The following SEC61G variants were observed in gnomAD, a reference collection of about 807,000 sequenced individuals.
SEC61G encodes the protein protein transport protein Sec61 subunit gamma.
In SEC61G, 4 loss-of-function variants were observed where a neutral mutation model predicts 7.5. That is an observed-to-expected ratio of 0.54 (90% CI 0.26 to 1.22). SEC61G has a LOEUF of 1.22. Among genes scored for constraint, SEC61G ranks in the 50% most tolerant of loss-of-function variants. SEC61G has a pLI of 0.12. For synonymous variants in SEC61G, 24 were observed against 24.4 expected (o/e 0.98, Z 0.05); for missense variants, 53 against 84.6 (o/e 0.63, Z 1.46).
At chr7:54,755,911 T>C (rs777871643) in intron 2 of SEC61G, 30 bp from the exon 3 acceptor site, 15 of 1,388,188 alleles carry the variant, frequency 1.1e-5, no homozygotes, top group Non-Finnish European at 1.0e-6. Flanking sequence ...ATTCACATAT[T>C]TTTTGCACTG....
chr7:54,757,491 T>A lies in SEC61G; in HGVS notation c.94+4A>T, dbSNP rs764200167. On this transcript the variant is annotated splice_donor_region_variant and intron_variant, in intron 2 of 3. Transcript: ENST00000352861. ...AATTTTTTCTCTCATAGTCAAGCAA[T>A]TACCTTTTCTATCAGGTTTAGTGCA... The A allele has an allele frequency of 1.9e-6, 3 of 1,611,370 alleles. No individual in the cohort carries two copies. Among genetic ancestry groups the A allele is most frequent in the African/African-American group, 1.3e-5 (1 of 74,904 alleles).
At chr7:54,754,589 T>G (rs1392017344) in intron 3 of SEC61G, among the ~76,000 whole-genome samples, 4 of 152,208 alleles carry the variant, frequency 2.6e-5, no homozygotes, top group African/African-American at 7.2e-5. Context: ...CCTTAATAAC[T>G]ATGGTAACCT....
At chr7:54,754,235 A>G (rs1296385233) in intron 3 of SEC61G, among the ~76,000 whole-genome samples, 4 of 152,232 alleles carry the variant, frequency 2.6e-5, no homozygotes, top group African/African-American at 9.7e-5. Flanking sequence ...TCTGAAAGGT[A>G]CAACTAAGAA....
rs1370971114 is a variant in SEC61G, at chr7:54,752,504, C to CT, written c.198-85dup. Reference sequence around the variant, plus strand: ...TTATTTGAAATGCAATATGCTATAACTTTAACGGCTCAAGACCAATTATGT... The same window carrying CT: ...TTATTTGAAATGCAATATGCTATAACTTTTAACGGCTCAAGACCAATTATGT... On this transcript the variant is annotated intron_variant, in intron 3 of 3. Coordinates refer to ENST00000352861, the MANE Select transcript of SEC61G (RefSeq NM_014302.4). The CT allele has an allele frequency of 6.1e-6, 5 of 826,192 alleles. No homozygotes were observed. The African/African-American group carries it at 7.1e-5, about 12-fold the overall frequency. The allele number at this position is 826,192 out of a possible 1,614,324, so 51.2% of individuals were successfully genotyped here.
chr7:54,759,130 C>G, intron 1 of SEC61G, 28 bp downstream of exon 1: 1 of 517,604 alleles, frequency 1.9e-6, no homozygotes, highest in South Asian at 1.4e-5. Context: ...CCCCGTTCGC[C>G]CGTACCGACC....
chr7:54,758,945 G>T (rs764370228), intron 1 of SEC61G: 65 of 286,392 alleles, frequency 2.3e-4, no homozygotes, highest in Non-Finnish European at 4.1e-4. Flanking sequence ...CAGCTCGCCG[G>T]GAGTCCGCGG....
chr7:54,753,379 AT>A lies in SEC61G; in HGVS notation c.198-960del, dbSNP rs146354722. Among the ~76,000 whole-genome samples the A allele has an allele frequency of 2.4e-3, 366 of 152,318 alleles. 2 individuals are homozygous for A. Among genetic ancestry groups the A allele is most frequent in the African/African-American group, 8.3e-3 (343 of 41,566 alleles). ...TTAAATGCTTATGCTATTAAATAGT[AT>A]TGCTATAACTAAAAGGCCAGCAAGT... On this transcript the variant is annotated intron_variant, in intron 3 of 3. Transcript: ENST00000352861.
Position 54,752,366 on chromosome 7 carries a change from T to C in SEC61G, c.*45A>G, listed in dbSNP as rs965847284. Reference sequence around the variant, plus strand: ...CTGTGAGTTTCTCACACCCTCACACTTGTTCACCAATCTCTAAGATGAAAA... The same window carrying C: ...CTGTGAGTTTCTCACACCCTCACACCTGTTCACCAATCTCTAAGATGAAAA... On this transcript the variant is annotated 3_prime_UTR_variant, in exon 4 of 4. Coordinates refer to ENST00000352861, the MANE Select transcript of SEC61G (RefSeq NM_014302.4). The C allele has an allele frequency of 2.0e-6, 3 of 1,466,438 alleles. No individual in the cohort carries two copies. Among genetic ancestry groups the C allele is most frequent in the Admixed American group, 2.1e-5 (1 of 47,306 alleles). 90.8% of individuals were successfully genotyped at this position (1,466,438 alleles called of 1,614,324 possible). A position where few individuals can be genotyped will look rare whatever the true frequency, so the allele number is the denominator to read the frequency against.
chr7:54,756,979 T>TACTATATTATAA (rs1791532023), intron 2 of SEC61G, among the ~76,000 whole-genome samples: 1 of 145,724 alleles, frequency 6.9e-6, no homozygotes, highest in Non-Finnish European at 1.5e-5. Flanking sequence ...ATATACTATA[T>TACTATATTATAA]ACTATATACT....
intron 1 of SEC61G, 52 bp from the exon 2 acceptor site, chr7:54,757,646 A>T: frequency 7.0e-7 from 1 of 1,434,762 alleles, no homozygotes; most frequent in Non-Finnish European, 9.8e-7. Context: ...TACAATAAGC[A>T]CTTGCTCATT....
chr7:54,755,646 C>T (rs1042161268), intron 3 of SEC61G, 133 bp downstream of exon 3: 3 of 450,614 alleles, frequency 6.7e-6, no homozygotes, highest in Non-Finnish European at 1.2e-5. Flanking sequence ...ATCAGGTACT[C>T]GTAAATATCA....
chr7:54,755,801 T>G lies in SEC61G; in HGVS notation c.175A>C (p.Ile59Leu), dbSNP rs1223458693. 1 of 1,575,360 alleles carries G rather than the reference T, an allele frequency of 6.3e-7. No homozygotes were observed. Among genetic ancestry groups the G allele is most frequent in the Non-Finnish European group, 8.7e-7 (1 of 1,153,414 alleles). ...FIGFFVKLIH[I>L]PINNIIVGG ...TACACAATGATGTTATTAATAGGAATATGGATCAATTTCACAAAGAAGCCA... is the reference window on the plus strand; with the variant it reads ...TACACAATGATGTTATTAATAGGAAGATGGATCAATTTCACAAAGAAGCCA... The change falls in exon 3 of 4, where the codon ATT becomes CTT. Residue 59 changes from isoleucine (I) to leucine (L), a missense_variant. Ile to Leu is a conservative substitution (Grantham distance 5). Coordinates refer to ENST00000352861, the MANE Select transcript of SEC61G (RefSeq NM_014302.4).
chr7:54,754,160 C>T (rs1791463416), intron 3 of SEC61G, among the ~76,000 whole-genome samples: 1 of 151,950 alleles, frequency 6.6e-6, no homozygotes, highest in African/African-American at 2.4e-5. Flanking sequence ...TAAGTGAAGG[C>T]CGGGGAAAAA....
At chr7:54,758,459 C>T (rs1166811706) in intron 1 of SEC61G, among the ~76,000 whole-genome samples, 1 of 152,174 alleles carries the variant, frequency 6.6e-6, no homozygotes, top group East Asian at 1.9e-4. Flanking sequence ...CCCCAGTTGC[C>T]TTCCTTAGTG....
At chr7:54,757,369 C>T (rs539958065) in intron 2 of SEC61G, 126 bp downstream of exon 2, 32 of 699,184 alleles carry the variant, frequency 4.6e-5, no homozygotes, top group African/African-American at 4.1e-4. Context: ...AAAAAGCTGT[C>T]GCGCAGGATC....
chr7:54,758,956 C>T (rs1293118866), intron 1 of SEC61G: 1 of 303,940 alleles, frequency 3.3e-6, no homozygotes, highest in East Asian at 1.2e-4. Flanking sequence ...GAGTCCGCGG[C>T]CCTGGGTCTG....
At position 54,752,322 on chromosome 7, in the gene SEC61G, A is replaced by G; in HGVS notation, c.*89T>C. 1.2e-6 allele frequency: 1 copy of G among 863,358 alleles called. No individual in the cohort carries two copies. Among genetic ancestry groups the G allele is most frequent in the Non-Finnish European group, 1.8e-6 (1 of 567,538 alleles). 53.5% of individuals were successfully genotyped at this position (863,358 alleles called of 1,614,324 possible). A position where few individuals can be genotyped will look rare whatever the true frequency, so the allele number is the denominator to read the frequency against. On this transcript the variant is annotated 3_prime_UTR_variant, in exon 4 of 4. Coordinates refer to ENST00000352861, the MANE Select transcript of SEC61G (RefSeq NM_014302.4). Reference sequence around the variant, plus strand: ...AAGGAAAAAAAAAAACCCACAAAACATACAGGCAAATTTGTATTCTGTGAG... The same window carrying G: ...AAGGAAAAAAAAAAACCCACAAAACGTACAGGCAAATTTGTATTCTGTGAG...
chr7:54,755,919 C>T, intron 2 of SEC61G, 38 bp from the exon 3 acceptor site: 1 of 1,315,370 alleles, frequency 7.6e-7, no homozygotes, highest in Non-Finnish European at 1.1e-6. Context: ...ATTTTTTGCA[C>T]TGTCACTGAA....
intron 3 of SEC61G, chr7:54,754,776 A>G (rs1444570894): frequency 6.6e-6 from 1 of 152,162 alleles, no homozygotes; most frequent in Non-Finnish European, 1.5e-5. Flanking sequence ...ATTGATTTCA[A>G]TACCATATGG....
Sources: gnomAD v4.1 joint callset for allele counts (sites outside exome capture counted in the v4.1 genomes callset) on GRCh38, gnomAD v4.1.1 for gene constraint, MANE v1.5 for transcripts, NCBI Gene and HGNC (gene_info 2026-07-23, HGNC 2026-07-21) for gene names.